SLC6A16: variants seen among roughly 807,000 people sequenced by gnomAD.
The protein encoded by SLC6A16 is solute carrier family 6 member 16, also known as orphan sodium- and chloride-dependent neurotransmitter transporter NTT5.
Under a neutral mutation model 65.4 loss-of-function variants are expected in SLC6A16, and 54 were observed. The observed-to-expected ratio is 0.83, with a 90% CI of 0.66 to 1.04. The LOEUF (loss-of-function observed/expected upper bound fraction) is 1.04. SLC6A16 is among the 50% of genes least tolerant of loss of function. The pLI, the probability that SLC6A16 is intolerant of heterozygous loss-of-function variation, is 0.00. For missense variants in SLC6A16, 816 were observed against 914.0 expected (o/e 0.89, Z 1.38); for synonymous variants, 330 against 346.5 (o/e 0.95, Z 0.53).
chr19:49,311,731 C>A (rs1387524611), intron 1 of SLC6A16, among the ~76,000 whole-genome samples: 2 of 151,176 alleles, frequency 1.3e-5, no homozygotes, highest in Non-Finnish European at 3.0e-5. Context: ...CACCTGTAAT[C>A]CCAGCTACTC....
At chr19:49,307,529 G>T (rs939024084) in intron 7 of SLC6A16, among the ~76,000 whole-genome samples, 7 of 151,894 alleles carry the variant, frequency 4.6e-5, no homozygotes, top group African/African-American at 7.3e-5. Flanking sequence ...TTATTTGTGA[G>T]GGTTAGGGTT....
At chr19:49,298,687 G>C (rs1033435832) in intron 7 of SLC6A16, among the ~76,000 whole-genome samples, 1 of 152,180 alleles carries the variant, frequency 6.6e-6, no homozygotes, top group African/African-American at 2.4e-5. Context: ...ATTCAACCCA[G>C]CAATCCCATT....
the SLC6A16 span, chr19:49,331,818 A>T: frequency 2.2e-6 from 1 of 457,258 alleles, no homozygotes; most frequent in Non-Finnish European, 4.4e-6. Context: ...TGGGAAATGA[A>T]GTCCTCCTGT....
intron 1 of SLC6A16, among the ~76,000 whole-genome samples, chr19:49,311,764 G>A (rs1970527435): frequency 6.7e-6 from 1 of 150,344 alleles, no homozygotes; most frequent in African/African-American, 2.4e-5. Context: ...CAGGAGAATC[G>A]CTTGAACCCA....
At chr19:49,337,548 G>A in the SLC6A16 span, 22 of 1,002,988 alleles carry the variant, frequency 2.2e-5, no homozygotes, top group Non-Finnish European at 2.9e-5. Context: ...CTTGAGCCAG[G>A]GAGTTTGAGG....
At chr19:49,304,369 C>T (rs145845601) in intron 7 of SLC6A16, among the ~76,000 whole-genome samples, 8 of 152,342 alleles carry the variant, frequency 5.3e-5, no homozygotes, top group Non-Finnish European at 8.8e-5. Flanking sequence ...GCCCAACAAA[C>T]GCCTATCCAA....
rs561828541 is a variant in SLC6A16, at chr19:49,313,919, A to T, written c.-64-2508T>A. Among the ~76,000 whole-genome samples, 31 of 152,162 alleles carry T rather than the reference A, an allele frequency of 2.0e-4. No individual in the cohort carries two copies. In the South Asian group the frequency reaches 6.0e-3, roughly 29 times the overall value. On this transcript the variant is annotated intron_variant, in intron 1 of 11. Transcript: ENST00000335875. ...AGACCATCCTGGCTAACACGGTGAA[A>T]CCCCATCTCTACTAAAAGTACAAAA... is the stretch of plus-strand genomic sequence containing the variant.
chr19:49,294,151 T>C, intron 8 of SLC6A16, 123 bp from the exon 9 acceptor site: 3 of 962,450 alleles, frequency 3.1e-6, no homozygotes, highest in Non-Finnish European at 4.6e-6. Flanking sequence ...ACTGAGAAAA[T>C]CAGATGTCCA....
In SLC6A16 at chr19:49,325,039, G is replaced by A; in HGVS notation, c.-65+9C>T. The A allele has an allele frequency of 1.0e-6, 1 of 985,458 alleles. No individual in the cohort carries two copies. Among genetic ancestry groups the A allele is most frequent in the African/African-American group, 1.7e-5 (1 of 57,354 alleles). 61.0% of individuals were successfully genotyped at this position (985,458 alleles called of 1,614,324 possible). ...AACATTTTAGGGCTCCCTGGGCCGT[G>A]ACCCTCACCCTAGCCCCAAGGCTTC... On this transcript the variant is annotated intron_variant, in intron 1 of 11. Transcript: ENST00000335875.
chr19:49,319,975 T>C (rs549770385), intron 1 of SLC6A16, among the ~76,000 whole-genome samples: 26 of 151,946 alleles, frequency 1.7e-4, no homozygotes, highest in Middle Eastern at 3.4e-3. Context: ...AAACAACCAA[T>C]GGATCAAAGA....
At position 49,292,223 on chromosome 19, in the gene SLC6A16, C is replaced by T. The variant is rs1027029672; in HGVS notation, c.1778+1000G>A. On this transcript the variant is annotated intron_variant, in intron 10 of 11. Transcript: ENST00000335875. The surrounding 1 kb of genome is among the most constrained non-coding windows in gnomAD (Gnocchi z 4.3). ...CTCTACTAAGAATACAAAAATTAGCCGGGCGTGGTGGTGAATGCCTGTAAT... is the reference window on the plus strand; with the variant it reads ...CTCTACTAAGAATACAAAAATTAGCTGGGCGTGGTGGTGAATGCCTGTAAT... 9.2e-5 allele frequency among the ~76,000 whole-genome samples: 14 copies of T among 151,974 alleles called. No homozygotes were observed. Among genetic ancestry groups the T allele is most frequent in the African/African-American group, 2.2e-4 (9 of 41,382 alleles).
chr19:49,300,244 A>T (rs985973761), intron 7 of SLC6A16, among the ~76,000 whole-genome samples: 11 of 152,186 alleles, frequency 7.2e-5, no homozygotes, highest in Admixed American at 3.9e-4. Context: ...AGGCTGAGGC[A>T]GGAGAATCAC....
intron 7 of SLC6A16, among the ~76,000 whole-genome samples, chr19:49,306,534 GTT>G (rs554621023): frequency 5.1e-4 from 68 of 133,428 alleles, no homozygotes; most frequent in African/African-American, 1.8e-3. Context: ...TTAGTTCTTT[GTT>G]TTTTTTTTTT....
intron 7 of SLC6A16, among the ~76,000 whole-genome samples, chr19:49,300,774 G>A (rs1278600928): frequency 2.0e-5 from 3 of 152,104 alleles, no homozygotes; most frequent in African/African-American, 7.2e-5. Context: ...ACTCTGGGCC[G>A]GGCGCGGTGG....
the SLC6A16 span, chr19:49,340,132 T>C: frequency 3.3e-6 from 5 of 1,530,188 alleles, no homozygotes; most frequent in East Asian, 1.2e-4. Context: ...TATCCCCTTC[T>C]CCAGCCCCTT....
chr19:49,330,027 A>AAGAT (rs1158067232), upstream of SLC6A16, among the ~76,000 whole-genome samples: 1 of 151,964 alleles, frequency 6.6e-6, no homozygotes, highest in Non-Finnish European at 1.5e-5. Flanking sequence ...GCTGAGTGGG[A>AAGAT]AGATCACTTG....
At chr19:49,340,223 T>C in the SLC6A16 span, 2 of 1,600,728 alleles carry the variant, frequency 1.2e-6, no homozygotes, top group Non-Finnish European at 1.7e-6. Flanking sequence ...CCCTTCGACT[T>C]CTCTGACCTC....
chr19:49,294,100 C>T (rs1187961965), intron 8 of SLC6A16, 72 bp from the exon 9 acceptor site: 2 of 1,302,872 alleles, frequency 1.5e-6, no homozygotes, highest in Admixed American at 2.0e-5. Context: ...GACAAGTATA[C>T]ATTCTATCTT....
Position 49,308,861 on chromosome 19 carries a change from A to AG in SLC6A16, c.1229+14dup. 1 of 1,613,458 alleles carries AG rather than the reference A, an allele frequency of 6.2e-7. No individual in the cohort carries two copies. The highest frequency in any genetic ancestry group is 8.5e-7 in the Non-Finnish European group (1 of 1,179,408). ...TCCCTGGAGCTGAGACCCTTAACAA[A>AG]GGGGCCGGCCTTACCTCTCACAGCA... On this transcript the variant is annotated intron_variant, in intron 7 of 11. Coordinates refer to ENST00000335875, the MANE Select transcript of SLC6A16 (RefSeq NM_014037.3).
Sources: gnomAD v4.1 joint callset for allele counts (sites outside exome capture counted in the v4.1 genomes callset) on GRCh38, gnomAD v4.1.1 for gene constraint, Gnocchi (gnomAD v3.1) non-coding constraint, MANE v1.5 for transcripts, NCBI Gene and HGNC (gene_info 2026-07-23, HGNC 2026-07-21) for gene names.